ADAMTS9: variants seen among roughly 807,000 people sequenced by gnomAD.
ADAMTS9 encodes A disintegrin and metalloproteinase with thrombospondin motifs 9.
In ADAMTS9, 107 loss-of-function variants were observed where a neutral mutation model predicts 257.1. The observed-to-expected ratio is 0.42, with a 90% CI of 0.36 to 0.49. The LOEUF (loss-of-function observed/expected upper bound fraction) is 0.49, where lower values mean the gene tolerates loss of function less well. ADAMTS9 is among the 20% of genes least tolerant of loss of function. ADAMTS9 has a pLI of 0.03. For missense variants in ADAMTS9, 2,353 were observed against 2,469.1 expected, an observed-to-expected ratio of 0.95 and a Z score of 1.00; for synonymous variants, 982 against 880.9, an observed-to-expected ratio of 1.11 and a Z score of -2.03.
rs1217944768 is a variant in ADAMTS9, at chr3:64,539,187, G to A, written c.5613+16C>T. On this transcript the variant is annotated intron_variant, in intron 37 of 39. Coordinates refer to ENST00000498707, the MANE Select transcript of ADAMTS9 (RefSeq NM_182920.2). Reference sequence around the variant, plus strand: ...GAGGTGAATCCCTGGCAAGGGGGAAGGCACCAAGGACATACCTGTGGGCAC... The same window carrying A: ...GAGGTGAATCCCTGGCAAGGGGGAAAGCACCAAGGACATACCTGTGGGCAC... The A allele has an allele frequency of 6.2e-7, 1 of 1,603,318 alleles. No homozygotes were observed. The highest frequency in any genetic ancestry group is 8.5e-7 in the Non-Finnish European group (1 of 1,170,172).
chr3:64,586,630 C>T (rs1025416404), intron 28 of ADAMTS9: 1 of 152,052 alleles, frequency 6.6e-6, no homozygotes, highest in African/African-American at 2.4e-5. Context: ...AATTTGCAGT[C>T]AATGTTGTTG....
At chr3:64,662,652 A>C (rs1254961786) in intron 3 of ADAMTS9, among the ~76,000 whole-genome samples, 1 of 152,098 alleles carries the variant, frequency 6.6e-6, no homozygotes, top group Non-Finnish European at 1.5e-5. Flanking sequence ...ATTATAAAAC[A>C]CTTTGATGGA....
chr3:64,686,984 G>C lies in ADAMTS9; in HGVS notation c.116-16C>G. 1 of 1,606,578 alleles carries C rather than the reference G, an allele frequency of 6.2e-7. No homozygotes were observed. The highest frequency in any genetic ancestry group is 8.5e-7 in the Non-Finnish European group (1 of 1,176,328). ...AATAATTTCACTGCGGAGAGAAGCA[G>C]AGGTATATGAACCAATAATTCATTT... On this transcript the variant is annotated splice_polypyrimidine_tract_variant and intron_variant, in intron 1 of 39. Coordinates refer to ENST00000498707, the MANE Select transcript of ADAMTS9 (RefSeq NM_182920.2). The surrounding 1 kb of genome is among the most constrained non-coding windows in gnomAD (Gnocchi z 4.6).
In ADAMTS9 at chr3:64,541,089, A is replaced by G. The variant is rs2083115183; in HGVS notation, c.5521+6T>C. ...CACGTTCCCAAAGGACTCCTCACTA[A>G]CTTACTGATTATCTGCATGCTGGTC... On this transcript the variant is annotated splice_donor_region_variant and intron_variant, in intron 36 of 39. Transcript: ENST00000498707. 3 of 1,613,866 alleles carry G rather than the reference A, an allele frequency of 1.9e-6. No homozygotes were observed. Among genetic ancestry groups the G allele is most frequent in the Non-Finnish European group, 2.5e-6 (3 of 1,179,842 alleles).
At chr3:64,602,617 C>A (rs2084486126) in intron 25 of ADAMTS9, among the ~76,000 whole-genome samples, 1 of 152,176 alleles carries the variant, frequency 6.6e-6, no homozygotes, top group Non-Finnish European at 1.5e-5. Context: ...CCTGAACAAG[C>A]CAAGAACACT....
At chr3:64,650,882 TTTG>T in intron 9 of ADAMTS9, 132 bp downstream of exon 9, 35 of 820,206 alleles carry the variant, frequency 4.3e-5, no homozygotes, top group South Asian at 1.6e-4. Flanking sequence ...TTTTTTTTTT[TTTG>T]CCTTCTCCAA....
intron 26 of ADAMTS9, among the ~76,000 whole-genome samples, chr3:64,601,514 C>T (rs1459093410): frequency 2.0e-5 from 3 of 152,164 alleles, no homozygotes; most frequent in Non-Finnish European, 4.4e-5. Context: ...ACAAATTACA[C>T]AGCAACCATG....
In ADAMTS9 at chr3:64,686,648, C is replaced by A; in HGVS notation, c.436G>T (p.Glu146Ter). 1 of 1,614,130 alleles carries A rather than the reference C, an allele frequency of 6.2e-7. No individual in the cohort carries two copies. The highest frequency in any genetic ancestry group is 8.5e-7 in the Non-Finnish European group (1 of 1,180,016). The change falls in exon 2 of 40, where the codon GAA (glutamate) becomes TAA (stop). Residue 146 changes from glutamate to a stop codon, truncating the protein, a stop_gained. Coordinates refer to ENST00000498707, the MANE Select transcript of ADAMTS9 (RefSeq NM_182920.2). LOFTEE classifies it high-confidence loss of function. The surrounding 1 kb of genome is among the most constrained non-coding windows in gnomAD (Gnocchi z 4.6). The stretch of plus-strand genomic sequence containing the variant: ...CCTTTGTAGAAACAGTGCTTGAGTT[C>A]CGCTTCCTCTTCGGAATAAAACTTG... ...QTKFYSEEEA[E>*]LKHCFYKGYV...
chr3:64,618,221 G>C (rs943649200), intron 19 of ADAMTS9, among the ~76,000 whole-genome samples: 3 of 152,090 alleles, frequency 2.0e-5, no homozygotes, highest in Non-Finnish European at 1.5e-5. Flanking sequence ...CTAACCCTAT[G>C]ATCTTCATAT....
rs2084543667 is a variant in ADAMTS9 at position 64,605,634 on chromosome 3, C to T, written c.3475-1303G>A. On this transcript the variant is annotated intron_variant, in intron 23 of 39. Transcript: ENST00000498707. ...GCAATTAGCAAAGCTGCTATGCAAA[C>T]CCGAGTGTTCTCTTTATGTATTCTC... Among the ~76,000 whole-genome samples the T allele has an allele frequency of 2.0e-5, 3 of 152,152 alleles. No homozygotes were observed. In the South Asian group the frequency reaches 6.2e-4, roughly 32 times the overall value.
chr3:64,528,332 GT>G (rs1374000861), intron 38 of ADAMTS9, among the ~76,000 whole-genome samples: 1 of 152,064 alleles, frequency 6.6e-6, no homozygotes, highest in African/African-American at 2.4e-5. Context: ...ATTCCCACAC[GT>G]TGGAGAGTTG....
At chr3:64,677,836 T>C (rs757497764) in intron 3 of ADAMTS9, among the ~76,000 whole-genome samples, 4 of 152,160 alleles carry the variant, frequency 2.6e-5, no homozygotes, top group Non-Finnish European at 5.9e-5. Context: ...GAGAAGTTGC[T>C]CAATAAAGAC....
At chr3:64,649,908 T>A (rs1700890586) in intron 9 of ADAMTS9, 130 bp from the exon 10 acceptor site, 1 of 1,153,012 alleles carries the variant, frequency 8.7e-7, no homozygotes, top group Admixed American at 2.9e-5. Flanking sequence ...TGTGCTTTAT[T>A]CTTTACATCC....
intron 30 of ADAMTS9, among the ~76,000 whole-genome samples, chr3:64,551,518 T>G (rs996294113): frequency 1.3e-5 from 2 of 152,142 alleles, no homozygotes; most frequent in African/African-American, 4.8e-5. Context: ...CGAGAACTCC[T>G]CATTTTACCC....
chr3:64,551,794 T>C (rs2083275006), intron 30 of ADAMTS9, among the ~76,000 whole-genome samples: 1 of 152,198 alleles, frequency 6.6e-6, no homozygotes. Flanking sequence ...TCTTTGTATG[T>C]TCCAGGCCCC....
chr3:64,658,440 A>C, intron 4 of ADAMTS9, 62 bp downstream of exon 4: 2 of 1,522,690 alleles, frequency 1.3e-6, no homozygotes, highest in Non-Finnish European at 1.8e-6. Flanking sequence ...ACTGAGTGGA[A>C]ACCCATTCCC....
At chr3:64,600,358 G>C (rs1397610450) in intron 26 of ADAMTS9, among the ~76,000 whole-genome samples, 1 of 152,008 alleles carries the variant, frequency 6.6e-6, no homozygotes, top group Non-Finnish European at 1.5e-5. Flanking sequence ...ACTTAACGTA[G>C]GGGAAAAAAT....
intron 28 of ADAMTS9, among the ~76,000 whole-genome samples, chr3:64,591,645 G>C (rs1249996351): frequency 6.6e-6 from 1 of 152,102 alleles, no homozygotes; most frequent in Non-Finnish European, 1.5e-5. Flanking sequence ...TTCATTTTAG[G>C]GATGCTGGAA....
chr3:64,541,493 T>G, intron 34 of ADAMTS9, 33 bp downstream of exon 34: 3 of 1,608,914 alleles, frequency 1.9e-6, no homozygotes, highest in Non-Finnish European at 2.6e-6. Flanking sequence ...TCTAAAAACA[T>G]TCTTGAAATA....
Sources: gnomAD v4.1 joint callset for allele counts (sites outside exome capture counted in the v4.1 genomes callset) on GRCh38, gnomAD v4.1.1 for gene constraint, Gnocchi (gnomAD v3.1) non-coding constraint, MANE v1.5 for transcripts, NCBI Gene and HGNC (gene_info 2026-07-23, HGNC 2026-07-21) for gene names.